Variants in KCNK2 observed in about 807,000 individuals in gnomAD.
The protein encoded by KCNK2 is potassium two pore domain channel subfamily K member 2.
A neutral mutation model predicts 40.5 loss-of-function variants in KCNK2; 21 were observed. That is an observed-to-expected ratio of 0.52 (90% CI 0.37 to 0.75). The LOEUF is 0.75. KCNK2 is among the 30% of genes least tolerant of loss of function. The probability of loss-of-function intolerance (pLI) is 0.00; values close to 1 mark genes in which losing one functional copy is unlikely to be tolerated. For synonymous variants in KCNK2, 191 were observed against 202.2 expected, an observed-to-expected ratio of 0.94 and a Z score of 0.47; for missense variants, 399 against 531.6, an observed-to-expected ratio of 0.75 and a Z score of 2.45.
chr1:215,163,663 T>G (rs1173274623), intron 3 of KCNK2, among the ~76,000 whole-genome samples: 1 of 152,186 alleles, frequency 6.6e-6, no homozygotes, highest in Non-Finnish European at 1.5e-5. Context: ...CTTTTCTGCA[T>G]CTGTTGAAAT....
chr1:215,207,807 A>C (rs988771151), intron 6 of KCNK2, among the ~76,000 whole-genome samples: 3 of 152,226 alleles, frequency 2.0e-5, no homozygotes, highest in Non-Finnish European at 4.4e-5. Context: ...TGCAAATCAA[A>C]AGCAAAATTA....
chr1:215,171,857 T>C (rs994229570), intron 4 of KCNK2, 140 bp from the exon 5 acceptor site: 15 of 481,486 alleles, frequency 3.1e-5, no homozygotes, highest in Non-Finnish European at 5.4e-5. Flanking sequence ...CTTGCTAATT[T>C]GCTCATAATA....
chr1:215,157,596 T>TA (rs1662990431), intron 3 of KCNK2, among the ~76,000 whole-genome samples: 1 of 152,224 alleles, frequency 6.6e-6, no homozygotes, highest in Non-Finnish European at 1.5e-5. Context: ...ATGAATACCT[T>TA]ATTTTAAGAG....
At chr1:215,165,104 CT>C (rs1162256735) in intron 3 of KCNK2, among the ~76,000 whole-genome samples, 3 of 152,140 alleles carry the variant, frequency 2.0e-5, no homozygotes, top group Non-Finnish European at 4.4e-5. Flanking sequence ...GATTATCTGG[CT>C]TTTGTCTGAC....
intron 4 of KCNK2, 140 bp downstream of exon 4, chr1:215,169,499 T>C (rs1663601321): frequency 3.5e-6 from 2 of 577,574 alleles, no homozygotes; most frequent in Admixed American, 7.3e-5. Flanking sequence ...TCTACTGGCA[T>C]GTAACTCACT....
chr1:215,169,429 T>C lies in KCNK2; in HGVS notation c.636+70T>C, dbSNP rs567765113. 3 of 1,198,332 alleles carry C rather than the reference T, an allele frequency of 2.5e-6. No homozygotes were observed. In the South Asian group the frequency reaches 4.2e-5, roughly 17 times the overall value. 74.2% of individuals were successfully genotyped at this position (1,198,332 alleles called of 1,614,324 possible). On this transcript the variant is annotated intron_variant, in intron 4 of 6. Coordinates refer to ENST00000444842, the MANE Select transcript of KCNK2 (RefSeq NM_001017425.3). ...TTTTTAAAAAATTATATCTTTTCTG[T>C]CACCTCAGATACAATTAGACATTCA...
chr1:215,080,011 C>T (rs1425764595), upstream of KCNK2, among the ~76,000 whole-genome samples: 1 of 152,092 alleles, frequency 6.6e-6, no homozygotes, highest in Non-Finnish European at 1.5e-5. Context: ...AAGCACCCTA[C>T]ATGAATGTGG....
intron 1 of KCNK2, among the ~76,000 whole-genome samples, chr1:215,009,091 AT>A (rs574091490): frequency 1.6e-4 from 24 of 151,696 alleles, no homozygotes; most frequent in East Asian, 3.9e-4. Flanking sequence ...AGAAGAAATG[AT>A]TTTTTTTTGA....
intron 1 of KCNK2, among the ~76,000 whole-genome samples, chr1:215,060,015 T>C (rs1173202598): frequency 1.3e-5 from 2 of 152,100 alleles, no homozygotes; most frequent in African/African-American, 4.8e-5. Context: ...GCCAGGGACA[T>C]GGAGTGTCCA....
At chr1:215,193,335 A>G (rs1247579235) in intron 5 of KCNK2, among the ~76,000 whole-genome samples, 1 of 152,038 alleles carries the variant, frequency 6.6e-6, no homozygotes, top group Non-Finnish European at 1.5e-5. Context: ...TAAAATCCTT[A>G]TCTTCTGCCC....
At chr1:215,140,243 A>T (rs1447032838) in intron 3 of KCNK2, among the ~76,000 whole-genome samples, 3 of 152,170 alleles carry the variant, frequency 2.0e-5, no homozygotes, top group African/African-American at 7.2e-5. Context: ...GGGGGAAAAA[A>T]GTTTTGTTGA....
In KCNK2 at chr1:215,083,228, T is replaced by A; in HGVS notation, c.-158T>A. On this transcript the variant is annotated 5_prime_UTR_variant, in exon 1 of 7. Coordinates refer to ENST00000444842, the MANE Select transcript of KCNK2 (RefSeq NM_001017425.3). ...CGCCCCCTCCCGCGTCCAGCCCCGC[T>A]CTCCCCACCTTGTAAAACAAAGCCG... The A allele has an allele frequency of 4.7e-6, 3 of 638,536 alleles. No homozygotes were observed. Among genetic ancestry groups the A allele is most frequent in the Admixed American group, 3.7e-5 (1 of 26,872 alleles). 39.6% of individuals were successfully genotyped at this position (638,536 alleles called of 1,614,324 possible).
At chr1:215,164,607 T>A (rs1009715904) in intron 3 of KCNK2, among the ~76,000 whole-genome samples, 4 of 152,200 alleles carry the variant, frequency 2.6e-5, no homozygotes, top group Non-Finnish European at 5.9e-5. Context: ...GAGATTCTGG[T>A]ACATTGTGTC....
At chr1:215,143,806 T>C (rs530110743) in intron 3 of KCNK2, among the ~76,000 whole-genome samples, 1 of 152,282 alleles carries the variant, frequency 6.6e-6, no homozygotes, top group East Asian at 1.9e-4. Context: ...ACTGATGATA[T>C]ATGTTCGCCT....
rs919012013 is a variant in KCNK2, at chr1:215,122,784, C to T, written c.358-1849C>T. On this transcript the variant is annotated intron_variant, in intron 2 of 6. Coordinates refer to ENST00000444842, the MANE Select transcript of KCNK2 (RefSeq NM_001017425.3). ...TTTTTGAAATGGAGTCTCACTCTGT[C>T]GCCCAGGCTGGAGTGCAGTGGCACA... Among the ~76,000 whole-genome samples the T allele has an allele frequency of 8.0e-5, 10 of 124,762 alleles. No individual in the cohort carries two copies. The Admixed American group carries it at 8.5e-4, about 11-fold the overall frequency. 81.8% of individuals were successfully genotyped at this position (124,762 alleles called of 152,430 possible).
intron 1 of KCNK2, among the ~76,000 whole-genome samples, chr1:215,056,308 CAA>C (rs71167804): frequency 0.018 from 2,143 of 121,542 alleles, 55 homozygotes; most frequent in African/African-American, 0.063. Flanking sequence ...AACTCCATCT[CAA>C]AAAAAAAAAA....
intron 1 of KCNK2, among the ~76,000 whole-genome samples, chr1:215,085,198 T>C (rs1659375426): frequency 6.6e-6 from 1 of 152,210 alleles, no homozygotes; most frequent in African/African-American, 2.4e-5. Context: ...CATTTTATAA[T>C]CTATATTATA....
chr1:215,089,183 G>A lies in KCNK2; in HGVS notation c.357+2505G>A, dbSNP rs976380708. On this transcript the variant is annotated intron_variant, in intron 2 of 6. Transcript: ENST00000444842. ...CCATTTAATCATCCCTTAAAACCTC[G>A]TAAGTCTATCTATTGGGCAGCAATA... Among the ~76,000 whole-genome samples the A allele has an allele frequency of 4.0e-5, 6 of 151,750 alleles. No individual in the cohort carries two copies. The South Asian group carries it at 1.2e-3, about 32-fold the overall frequency.
intron 1 of KCNK2, among the ~76,000 whole-genome samples, chr1:215,050,260 G>A (rs1657935683): frequency 6.6e-6 from 1 of 152,006 alleles, no homozygotes; most frequent in East Asian, 1.9e-4. Flanking sequence ...ATCATAAATG[G>A]TACTGTATTT....
Sources: allele counts gnomAD v4.1 joint callset (sites outside exome capture counted in the v4.1 genomes callset), GRCh38; gene constraint gnomAD v4.1.1; transcripts MANE v1.5; gene names NCBI Gene and HGNC (gene_info 2026-07-23, HGNC 2026-07-21).